Variants in CYP2F1 observed in about 807,000 individuals in gnomAD.
CYP2F1 encodes the protein cytochrome P450 2F1.
CYP2F1 carries 33 observed loss-of-function variants against 40.4 expected under a neutral mutation model. That is an observed-to-expected ratio of 0.82 (90% CI 0.62 to 1.09). The LOEUF (loss-of-function observed/expected upper bound fraction) is 1.09, where lower values mean the gene tolerates loss of function less well. Ranked by LOEUF, CYP2F1 falls within the 50% of genes least tolerant of loss-of-function variation. The pLI, the probability that CYP2F1 is intolerant of heterozygous loss-of-function variation, is 0.00. For missense variants in CYP2F1, 566 were observed against 655.7 expected (o/e 0.86, Z 1.49); for synonymous variants, 235 against 277.2 (o/e 0.85, Z 1.51).
chr19:41,121,011 G>C (rs1313439631), intron 4 of CYP2F1, among the ~76,000 whole-genome samples: 1 of 151,994 alleles, frequency 6.6e-6, no homozygotes, highest in Non-Finnish European at 1.5e-5. Flanking sequence ...GCTGTATGCT[G>C]GCTTTATGTG....
chr19:41,114,927 G>T (rs188917100), intron 1 of CYP2F1, among the ~76,000 whole-genome samples: 1 of 150,536 alleles, frequency 6.6e-6, no homozygotes, highest in Non-Finnish European at 1.5e-5. Flanking sequence ...CTAACACCAC[G>T]CCTGACTAAT....
rs2032246925 is a variant in CYP2F1, at chr19:41,122,038, G to C, written c.727G>C (p.Asp243His). The change falls in exon 6 of 10, where the codon GAC (aspartate) becomes CAC (histidine). Residue 243 changes from aspartate (D) to histidine (H), a missense_variant. Coordinates refer to ENST00000331105, the MANE Select transcript of CYP2F1 (RefSeq NM_000774.5). Reference protein sequence around the residue: ...RIFQNFKCLRDLIAHSVHDHQ... With the variant: ...RIFQNFKCLRHLIAHSVHDHQ... ...CTTCCAGAACTTCAAGTGCCTGAGA[G>C]ACCTCATCGCCCACAGCGTCCACGA... 6 of 1,612,686 alleles carry C rather than the reference G, an allele frequency of 3.7e-6. No homozygotes were observed. The highest frequency in any genetic ancestry group is 5.1e-6 in the Non-Finnish European group (6 of 1,179,648).
At chr19:41,126,877 AG>A (rs1339738788) in intron 9 of CYP2F1, among the ~76,000 whole-genome samples, 1 of 152,110 alleles carries the variant, frequency 6.6e-6, no homozygotes, top group Non-Finnish European at 1.5e-5. Context: ...AGGTGGTTCT[AG>A]GGGTTTTTGT....
chr19:41,127,007 C>G (rs2032571908), intron 9 of CYP2F1, among the ~76,000 whole-genome samples: 1 of 152,100 alleles, frequency 6.6e-6, no homozygotes, highest in African/African-American at 2.4e-5. Context: ...ACCATATTGC[C>G]TACTGTGCGT....
chr19:41,124,581 C>A, intron 7 of CYP2F1, 138 bp from the exon 8 acceptor site: 1 of 761,812 alleles, frequency 1.3e-6, no homozygotes, highest in Non-Finnish European at 2.1e-6. Flanking sequence ...CTAATTCTCA[C>A]GTGCGCCCCA....
intron 7 of CYP2F1, among the ~76,000 whole-genome samples, chr19:41,123,720 C>T (rs1470794311): frequency 1.3e-5 from 2 of 152,060 alleles, no homozygotes; most frequent in African/African-American, 4.8e-5. Context: ...GACAGGGTCT[C>T]GCTGTGTTGC....
At chr19:41,123,959 A>G (rs969763862) in intron 7 of CYP2F1, among the ~76,000 whole-genome samples, 4 of 151,872 alleles carry the variant, frequency 2.6e-5, no homozygotes, top group African/African-American at 9.7e-5. Context: ...CCTGGCCCAC[A>G]CACACAGCTC....
chr19:41,116,117 G>T, intron 1 of CYP2F1, 61 bp from the exon 2 acceptor site: 1 of 1,501,048 alleles, frequency 6.7e-7, no homozygotes, highest in Non-Finnish European at 9.0e-7. Flanking sequence ...TAAGTCCCAG[G>T]GGAGATGGAA....
In CYP2F1 at chr19:41,124,744, C is replaced by A; in HGVS notation, c.990C>A (p.Leu330=). The change falls in exon 8 of 10, where the codon CTC becomes CTA. Residue 330 remains leucine, a synonymous_variant. Coordinates refer to ENST00000331105, the MANE Select transcript of CYP2F1 (RefSeq NM_000774.5). ...VQARVQEEID[L]VVGRARLPAL... Reference sequence around the variant, plus strand: ...CCCGCGTGCAGGAGGAGATCGACCTCGTGGTGGGACGCGCGCGGCTGCCGG... The same window carrying A: ...CCCGCGTGCAGGAGGAGATCGACCTAGTGGTGGGACGCGCGCGGCTGCCGG... The A allele has an allele frequency of 1.9e-6, 3 of 1,604,812 alleles. No individual in the cohort carries two copies. The highest frequency in any genetic ancestry group is 1.1e-5 in the South Asian group (1 of 90,922).
rs10405999 is a variant in CYP2F1, at chr19:41,118,101, G to C, written c.334+1484G>C. 2.5e-3 allele frequency among the ~76,000 whole-genome samples: 378 copies of C among 152,152 alleles called. 2 individuals are homozygous for C. Among genetic ancestry groups the C allele is most frequent in the African/African-American group, 8.8e-3 (364 of 41,506 alleles). ...CTGACCTCATGATCCAGCAGCCTCAGACTCCCAAAGTGCTGGGATTACAGG... is the reference window on the plus strand; with the variant it reads ...CTGACCTCATGATCCAGCAGCCTCACACTCCCAAAGTGCTGGGATTACAGG... On this transcript the variant is annotated intron_variant, in intron 3 of 9. Coordinates refer to ENST00000331105, the MANE Select transcript of CYP2F1 (RefSeq NM_000774.5).
rs796285822 is a variant in CYP2F1 at position 41,125,410 on chromosome 19, A to G, written c.1153-83A>G. On this transcript the variant is annotated intron_variant, in intron 8 of 9. Coordinates refer to ENST00000331105, the MANE Select transcript of CYP2F1 (RefSeq NM_000774.5). ...ACCCACCCCTTATCAAGTCCCCAGGACACCCAGCCCAATACAATGGAAAGG... is the reference window on the plus strand; with the variant it reads ...ACCCACCCCTTATCAAGTCCCCAGGGCACCCAGCCCAATACAATGGAAAGG... 6.4e-5 allele frequency: 46 copies of G among 714,988 alleles called. No individual in the cohort carries two copies. The African/African-American group carries it at 6.8e-4, about 11-fold the overall frequency. The allele number at this position is 714,988 out of a possible 1,614,324, so 44.3% of individuals were successfully genotyped here. A position where few individuals can be genotyped will look rare whatever the true frequency, so the allele number is the denominator to read the frequency against.
chr19:41,114,768 CTT>C (rs1473410577), intron 1 of CYP2F1, among the ~76,000 whole-genome samples: 1 of 141,200 alleles, frequency 7.1e-6, no homozygotes, highest in Non-Finnish European at 1.5e-5. Flanking sequence ...GTCTCCGTCT[CTT>C]TCTCTCTCTC....
rs560583866 is a variant in CYP2F1 at position 41,128,120 on chromosome 19, G to C, written c.*38G>C. The C allele has an allele frequency of 5.8e-5, 91 of 1,569,954 alleles. 1 individual carries two copies. The East Asian group carries it at 1.6e-3, about 28-fold the overall frequency. ...TCCAGATTCGCCTGTGAGCGATGAG[G>C]CCCGCCCATGCGGGTTGCTACGTCC... On this transcript the variant is annotated 3_prime_UTR_variant, in exon 10 of 10. Coordinates refer to ENST00000331105, the MANE Select transcript of CYP2F1 (RefSeq NM_000774.5).
chr19:41,127,859 C>T, intron 9 of CYP2F1, 42 bp from the exon 10 acceptor site: 1 of 1,562,926 alleles, frequency 6.4e-7, no homozygotes, highest in Non-Finnish European at 8.7e-7. Context: ...CCTCTAACCT[C>T]ATCTTATCTC....
chr19:41,116,141 G>A (rs778076905), intron 1 of CYP2F1, 37 bp from the exon 2 acceptor site: 10 of 1,515,428 alleles, frequency 6.6e-6, no homozygotes, highest in Admixed American at 5.7e-5. Flanking sequence ...AGGGATCAGC[G>A]ATGTCCTCTC....
Position 41,128,092 on chromosome 19 carries a change from C to T in CYP2F1, c.*10C>T. 1 of 1,596,252 alleles carries T rather than the reference C, an allele frequency of 6.3e-7. No individual in the cohort carries two copies. Reference sequence around the variant, plus strand: ...CCTGCGCCCGCGCTAACGCCCCGGCCCTTCCAGATTCGCCTGTGAGCGATG... The same window carrying T: ...CCTGCGCCCGCGCTAACGCCCCGGCTCTTCCAGATTCGCCTGTGAGCGATG... On this transcript the variant is annotated 3_prime_UTR_variant, in exon 10 of 10. Coordinates refer to ENST00000331105, the MANE Select transcript of CYP2F1 (RefSeq NM_000774.5).
In CYP2F1 at chr19:41,114,453, C is replaced by G. The variant is rs2031667237; in HGVS notation, c.-51C>G. On this transcript the variant is annotated 5_prime_UTR_variant, in exon 1 of 10. Coordinates refer to ENST00000331105, the MANE Select transcript of CYP2F1 (RefSeq NM_000774.5). Reference sequence around the variant, plus strand: ...CCCCAAGCACACCCAGAGCTGCAGGCTCTAGCGCATCCCAGCCAGTGTCTC... The same window carrying G: ...CCCCAAGCACACCCAGAGCTGCAGGGTCTAGCGCATCCCAGCCAGTGTCTC... The G allele has an allele frequency of 6.6e-6, 1 of 152,268 alleles. No homozygotes were observed. The highest frequency in any genetic ancestry group is 2.4e-5 in the African/African-American group (1 of 41,458). The allele number at this position is 152,268 out of a possible 1,614,324, so 9.4% of individuals were successfully genotyped here.
intron 7 of CYP2F1, among the ~76,000 whole-genome samples, chr19:41,123,580 G>A (rs2032360076): frequency 6.6e-6 from 1 of 152,122 alleles, no homozygotes; most frequent in African/African-American, 2.4e-5. Context: ...GGAGTACAGT[G>A]CCGTAATTAC....
At chr19:41,120,933 T>A (rs2032160345) in intron 4 of CYP2F1, among the ~76,000 whole-genome samples, 1 of 151,904 alleles carries the variant, frequency 6.6e-6, no homozygotes, top group South Asian at 2.1e-4. Context: ...CGATTCTGCT[T>A]GCTGACTGCT....
Sources: allele counts gnomAD v4.1 joint callset (sites outside exome capture counted in the v4.1 genomes callset), GRCh38; gene constraint gnomAD v4.1.1; transcripts MANE v1.5; gene names NCBI Gene and HGNC (gene_info 2026-07-23, HGNC 2026-07-21).